LRGUK: variants seen among roughly 807,000 people sequenced by gnomAD.
The protein encoded by LRGUK is leucine rich repeats and guanylate kinase domain containing.
A neutral mutation model predicts 76.0 loss-of-function variants in LRGUK; 65 were observed. That is an observed-to-expected ratio of 0.85 (90% CI 0.70 to 1.05). LRGUK has a LOEUF of 1.05. Among genes scored for constraint, LRGUK ranks in the 50% least tolerant of loss-of-function variants. The probability of loss-of-function intolerance (pLI) is 0.00; values close to 1 mark genes in which losing one functional copy is unlikely to be tolerated. For missense variants in LRGUK, 758 were observed against 732.8 expected, an observed-to-expected ratio of 1.03 and a Z score of -0.40; for synonymous variants, 268 against 265.6, an observed-to-expected ratio of 1.01 and a Z score of -0.09.
downstream of LRGUK, among the ~76,000 whole-genome samples, chr7:134,212,178 G>T (rs773220503): frequency 1.3e-5 from 2 of 152,190 alleles, no homozygotes; most frequent in Non-Finnish European, 2.9e-5. Flanking sequence ...GGCCTAGCTT[G>T]GTTTAGGCAC....
intron 7 of LRGUK, among the ~76,000 whole-genome samples, chr7:134,171,780 C>G (rs1379733637): frequency 2.0e-5 from 3 of 152,152 alleles, no homozygotes; most frequent in African/African-American, 7.2e-5. Context: ...GCTGTTGTCT[C>G]TACTCCTGCT....
chr7:134,227,277 T>C (rs1323308038), intron 16 of LRGUK, among the ~76,000 whole-genome samples: 4 of 152,126 alleles, frequency 2.6e-5, no homozygotes, highest in East Asian at 3.9e-4. Context: ...GGAAGTAAAC[T>C]TAGCGAACGA....
chr7:134,178,471 T>A, intron 9 of LRGUK, 32 bp from the exon 10 acceptor site: 1 of 1,542,674 alleles, frequency 6.5e-7, no homozygotes, highest in Non-Finnish European at 8.8e-7. Context: ...ACAAAACTTT[T>A]TTTCCCTTTT....
At chr7:134,173,393 T>G (rs1799342343) in intron 7 of LRGUK, among the ~76,000 whole-genome samples, 1 of 152,200 alleles carries the variant, frequency 6.6e-6, no homozygotes, top group East Asian at 1.9e-4. Context: ...TCTGTAGGAG[T>G]GCTTTCCAAT....
Position 134,199,163 on chromosome 7 carries a change from A to C in LRGUK, c.1546-57A>C, listed in dbSNP as rs1029339733. ...TACCCATGTTGTCAGATGGCTCCAA[A>C]ATGATTTCTAAATCATGTATCTGTT... On this transcript the variant is annotated intron_variant, in intron 13 of 15. Coordinates refer to ENST00000645682, the Ensembl canonical transcript of LRGUK. 4 of 1,449,808 alleles carry C rather than the reference A, an allele frequency of 2.8e-6. No individual in the cohort carries two copies. The African/African-American group carries it at 5.6e-5, about 20-fold the overall frequency. The allele number at this position is 1,449,808 out of a possible 1,614,324, so 89.8% of individuals were successfully genotyped here.
chr7:134,129,040 ATTTTCT>A lies in LRGUK; in HGVS notation c.297+1380_297+1385del, dbSNP rs1445882933. ...TAAATATAATATAGAGAAGTAGAAT[ATTTTCT>A]TTTCTTTTTTCTTTCTTTCTCTTTC... On this transcript the variant is annotated intron_variant, in intron 1 of 15. Transcript: ENST00000645682. Among the ~76,000 whole-genome samples, 11 of 149,738 alleles carry A rather than the reference ATTTTCT, an allele frequency of 7.3e-5. No homozygotes were observed. The East Asian group carries it at 2.1e-3, about 29-fold the overall frequency.
chr7:134,200,332 T>C (rs2096171984), intron 14 of LRGUK, among the ~76,000 whole-genome samples: 1 of 151,936 alleles, frequency 6.6e-6, no homozygotes, highest in African/African-American at 2.4e-5. Context: ...CCACCGCACC[T>C]GGCAAATTTC....
At chr7:134,221,664 C>G (rs17167644) in intron 15 of LRGUK, 115 bp from the exon 16 acceptor site, 18,418 of 673,042 alleles carry the variant, frequency 0.027, 911 homozygotes, top group East Asian at 0.13. Context: ...GAAATGCGCA[C>G]ATTTTAAGTA....
exon 11 of LRGUK, chr7:134,183,771 A>C (rs773506346): frequency 1.1e-5 from 17 of 1,613,892 alleles, no homozygotes; most frequent in Admixed American, 3.3e-5. Context: ...TCCCATGCTG[A>C]TACTAGCTGG....
rs973661581 is a variant in LRGUK at position 134,158,021 on chromosome 7, G to A, written c.671-14G>A. On this transcript the variant is annotated splice_polypyrimidine_tract_variant and intron_variant, in intron 5 of 15. Transcript: ENST00000645682. ...TTTAATAACATTTTCCTTAAACGTA[G>A]TCATGGTGTATAGGCAATGAGATAG... 1 of 1,596,834 alleles carries A rather than the reference G, an allele frequency of 6.3e-7. No homozygotes were observed.
intron 19 of LRGUK, among the ~76,000 whole-genome samples, chr7:134,259,545 C>CA (rs1307973332): frequency 6.6e-6 from 1 of 152,128 alleles, no homozygotes; most frequent in Non-Finnish European, 1.5e-5. Context: ...CATGAGAAGA[C>CA]ACAATAGATA....
chr7:134,136,884 T>G (rs1409971399), intron 1 of LRGUK, 139 bp from the exon 2 acceptor site: 2 of 628,000 alleles, frequency 3.2e-6, no homozygotes, highest in Non-Finnish European at 5.6e-6. Context: ...AACACAGAAT[T>G]TTTTTGGGGG....
chr7:134,270,048 C>T, the LRGUK span, among the ~76,000 whole-genome samples: 2 of 152,162 alleles, frequency 1.3e-5, no homozygotes, highest in Non-Finnish European at 2.9e-5. Flanking sequence ...AAGATGACTA[C>T]TCTCATCACT....
At chr7:134,133,494 T>C (rs1797394803) in intron 1 of LRGUK, among the ~76,000 whole-genome samples, 1 of 152,182 alleles carries the variant, frequency 6.6e-6, no homozygotes, top group Admixed American at 6.5e-5. Flanking sequence ...GCTTGCGTAC[T>C]TGTCTGTCTC....
chr7:134,183,907 G>A, intron 11 of LRGUK, 54 bp downstream of exon 11: 1 of 1,595,724 alleles, frequency 6.3e-7, no homozygotes, highest in Non-Finnish European at 8.6e-7. Context: ...AATTATTGGA[G>A]GTATCAATAG....
chr7:134,194,237 A>G (rs1800387836), intron 12 of LRGUK, among the ~76,000 whole-genome samples: 2 of 152,200 alleles, frequency 1.3e-5, no homozygotes. Context: ...ATACCTATGT[A>G]CTATGCAAGA....
At chr7:134,250,971 A>C (rs1389938869) in intron 18 of LRGUK, among the ~76,000 whole-genome samples, 1 of 152,198 alleles carries the variant, frequency 6.6e-6, no homozygotes, top group Non-Finnish European at 1.5e-5. Flanking sequence ...ATGAGTATTC[A>C]TTTAATACTT....
chr7:134,247,595 C>A (rs151020313), exon 17 of LRGUK: 40 of 1,613,744 alleles, frequency 2.5e-5, no homozygotes, highest in Non-Finnish European at 3.3e-5. Flanking sequence ...GGCAGCCCGG[C>A]AAGCTCTAAT....
intron 19 of LRGUK, among the ~76,000 whole-genome samples, chr7:134,262,363 G>A (rs1458918381): frequency 6.6e-6 from 1 of 152,226 alleles, no homozygotes; most frequent in Non-Finnish European, 1.5e-5. Flanking sequence ...GCCAAAGCGA[G>A]ACTCTGTCTC....
Sources: gnomAD v4.1 joint callset for allele counts (sites outside exome capture counted in the v4.1 genomes callset) on GRCh38, gnomAD v4.1.1 for gene constraint, MANE v1.5 for transcripts, NCBI Gene and HGNC (gene_info 2026-07-23, HGNC 2026-07-21) for gene names.